The following ABCA13 variants were observed in gnomAD, a reference collection of about 807,000 sequenced individuals.
ABCA13 encodes the protein ATP-binding cassette sub-family A member 13.
A neutral mutation model predicts 478.7 loss-of-function variants in ABCA13; 476 were observed. The observed-to-expected ratio is 0.99, with a 90% CI of 0.92 to 1.07. The LOEUF is 1.07. Ranked by LOEUF, ABCA13 falls within the 50% of genes least tolerant of loss-of-function variation. The pLI, the probability that ABCA13 is intolerant of heterozygous loss-of-function variation, is 0.00. For missense variants in ABCA13, 6,060 were observed against 5,910.6 expected (o/e 1.03, Z -0.83); for synonymous variants, 2,252 against 2,158.9 (o/e 1.04, Z -1.20).
At chr7:48,214,952 T>C (rs1453001558) in intron 3 of ABCA13, among the ~76,000 whole-genome samples, 1 of 152,172 alleles carries the variant, frequency 6.6e-6, no homozygotes, top group Non-Finnish European at 1.5e-5. Context: ...ATTAACTGCT[T>C]GGTGAAAAAG....
chr7:48,194,937 T>G (rs1691818880), intron 2 of ABCA13, among the ~76,000 whole-genome samples: 2 of 152,242 alleles, frequency 1.3e-5, no homozygotes. Flanking sequence ...GCATTTTCCC[T>G]GCCTTTGCAG....
intron 59 of ABCA13, among the ~76,000 whole-genome samples, chr7:48,628,538 C>T (rs1238623361): frequency 1.3e-5 from 2 of 152,182 alleles, no homozygotes; most frequent in Non-Finnish European, 2.9e-5. Context: ...TGCCTGACTT[C>T]AGACTTTAAA....
At chr7:48,379,834 T>C (rs1001753581) in intron 35 of ABCA13, among the ~76,000 whole-genome samples, 5 of 152,258 alleles carry the variant, frequency 3.3e-5, no homozygotes, top group Non-Finnish European at 7.3e-5. Flanking sequence ...CCTGGGTCTT[T>C]ATTTAAAAGT....
At chr7:48,637,966 A>G (rs542840696) in intron 59 of ABCA13, among the ~76,000 whole-genome samples, 23 of 152,174 alleles carry the variant, frequency 1.5e-4, no homozygotes, top group Non-Finnish European at 3.4e-4. Context: ...CTCTACTGTA[A>G]CAACTGATGG....
intron 57 of ABCA13, among the ~76,000 whole-genome samples, chr7:48,591,429 TCTTGCTTA>T (rs1451363246): frequency 1.3e-5 from 2 of 152,016 alleles, no homozygotes; most frequent in Admixed American, 1.3e-4. Flanking sequence ...GCACCATTCT[TCTTGCTTA>T]CTTTCTTTAG....
intron 48 of ABCA13, among the ~76,000 whole-genome samples, chr7:48,491,875 A>G (rs1829871796): frequency 6.6e-6 from 1 of 152,200 alleles, no homozygotes; most frequent in Non-Finnish European, 1.5e-5. Context: ...GAACTTCAGT[A>G]AATCCCATGA....
At chr7:48,332,663 CT>C (rs1805591355) in intron 27 of ABCA13, among the ~76,000 whole-genome samples, 1 of 152,128 alleles carries the variant, frequency 6.6e-6, no homozygotes, top group Non-Finnish European at 1.5e-5. Context: ...TTTTCTTCAT[CT>C]GAGAATGTCT....
At chr7:48,548,534 C>A (rs1293044509) in intron 55 of ABCA13, among the ~76,000 whole-genome samples, 1 of 147,988 alleles carries the variant, frequency 6.8e-6, no homozygotes, top group Admixed American at 6.8e-5. Context: ...GATAAAAACA[C>A]CAGCATGTAA....
intron 27 of ABCA13, among the ~76,000 whole-genome samples, chr7:48,323,875 CTCATGAGATCT>C (rs1476211248): frequency 5.9e-5 from 9 of 152,276 alleles, no homozygotes; most frequent in Non-Finnish European, 1.3e-4. Context: ...GTGAATAAGT[CTCATGAGATCT>C]GAAGATTTTA....
intron 58 of ABCA13, among the ~76,000 whole-genome samples, chr7:48,596,426 A>C (rs1790284207): frequency 6.6e-6 from 1 of 152,142 alleles, no homozygotes; most frequent in South Asian, 2.1e-4. Flanking sequence ...TTCTTTAGTA[A>C]ATTTATAGAC....
At chr7:48,434,459 A>G (rs1822558582) in intron 42 of ABCA13, among the ~76,000 whole-genome samples, 2 of 151,798 alleles carry the variant, frequency 1.3e-5, no homozygotes, top group South Asian at 2.1e-4. Flanking sequence ...TCCATGGGCT[A>G]CCTTTTTACT....
intron 15 of ABCA13, among the ~76,000 whole-genome samples, chr7:48,268,628 C>CT (rs1795183213): frequency 6.6e-6 from 1 of 152,176 alleles, no homozygotes; most frequent in South Asian, 2.1e-4. Context: ...CTTTCAGAGT[C>CT]TAAGCTTTTT....
intron 5 of ABCA13, among the ~76,000 whole-genome samples, chr7:48,223,976 A>AAAAAG (rs1554352781): frequency 7.7e-6 from 1 of 129,904 alleles, no homozygotes; most frequent in African/African-American, 3.3e-5. Flanking sequence ...AAAAAAAAAA[A>AAAAAG]AGAGAGAGAG....
chr7:48,313,458 G>A (rs1202247657), intron 25 of ABCA13, among the ~76,000 whole-genome samples: 1 of 152,212 alleles, frequency 6.6e-6, no homozygotes, highest in Non-Finnish European at 1.5e-5. Context: ...CATTCCACCA[G>A]TGTGGAGATT....
Position 48,482,586 on chromosome 7 carries a change from G to T in ABCA13, c.13095-490G>T, listed in dbSNP as rs759714069. ...TTTACAAAATACAGAAAAAGACAGG[G>T]TTTCACCATGTTGGCCAGGCTGGTC... On this transcript the variant is annotated intron_variant, in intron 46 of 61. Transcript: ENST00000435803. Among the ~76,000 whole-genome samples the T allele has an allele frequency of 3.5e-4, 53 of 151,840 alleles. 1 individual carries two copies. The highest frequency in any genetic ancestry group is 6.6e-4 in the Admixed American group (10 of 15,252).
chr7:48,349,637 C>A (rs1808634891), intron 29 of ABCA13, among the ~76,000 whole-genome samples: 1 of 152,184 alleles, frequency 6.6e-6, no homozygotes, highest in African/African-American at 2.4e-5. Context: ...CCAGGAGGAT[C>A]TGGGAGCAGG....
At chr7:48,185,053 AGTT>A (rs201512684) in intron 1 of ABCA13, among the ~76,000 whole-genome samples, 30,785 of 151,876 alleles carry the variant, frequency 0.2, 3,360 homozygotes, top group Middle Eastern at 0.25. Flanking sequence ...CTAGGCTGAA[AGTT>A]GTTGTTGTTT....
At chr7:48,395,938 A>AG (rs1816776724) in intron 38 of ABCA13, among the ~76,000 whole-genome samples, 1 of 152,164 alleles carries the variant, frequency 6.6e-6, no homozygotes, top group Non-Finnish European at 1.5e-5. Flanking sequence ...GCATTGTTCA[A>AG]GGGTCAGCTG....
Position 48,580,830 on chromosome 7 carries a change from C to CCTGCCAGGGGATTCCTT in ABCA13, c.14505+474_14505+490dup, listed in dbSNP as rs567026160. 7.6e-3 allele frequency among the ~76,000 whole-genome samples: 1,154 copies of CCTGCCAGGGGATTCCTT among 151,666 alleles called. 7 individuals carry two copies. Among genetic ancestry groups the CCTGCCAGGGGATTCCTT allele is most frequent in the Non-Finnish European group, 0.013 (895 of 67,866 alleles). Reference sequence around the variant, plus strand: ...CTGATGAGTGGGCGGACAGATTCCTCCTGCCAGGGGATTCCTTCTGCCAGG... The same window carrying CCTGCCAGGGGATTCCTT: ...CTGATGAGTGGGCGGACAGATTCCTCCTGCCAGGGGATTCCTTCTGCCAGGGGATTCCTTCTGCCAGG... On this transcript the variant is annotated intron_variant, in intron 56 of 61. Transcript: ENST00000435803.
Sources: allele counts gnomAD v4.1 joint callset (sites outside exome capture counted in the v4.1 genomes callset), GRCh38; gene constraint gnomAD v4.1.1; transcripts MANE v1.5; gene names NCBI Gene and HGNC (gene_info 2026-07-23, HGNC 2026-07-21).